The following C10orf71 variants were observed in gnomAD, a reference collection of about 807,000 sequenced individuals.
The protein encoded by C10orf71 is cardiac-enriched FHL2-interacting protein.
For synonymous variants in C10orf71, 758 were observed against 726.3 expected, an observed-to-expected ratio of 1.04 and a Z score of -0.70; for missense variants, 1,869 against 1,804.5, an observed-to-expected ratio of 1.04 and a Z score of -0.65.
At position 49,323,189 on chromosome 10, in the gene C10orf71, A is replaced by G. The variant is rs1454599206; in HGVS notation, c.644A>G (p.Lys215Arg). ...THQNSYQPGR[K>R]HGEQESSKNP... is the part of the protein sequence containing the mutation. Reference sequence around the variant, plus strand: ...CAGAACAGCTACCAGCCAGGCAGGAAGCACGGAGAACAGGAGTCCTCCAAG... The same window carrying G: ...CAGAACAGCTACCAGCCAGGCAGGAGGCACGGAGAACAGGAGTCCTCCAAG... The change falls in exon 3 of 3, where the codon AAG becomes AGG. Residue 215 changes from lysine to arginine, a missense_variant. Coordinates refer to ENST00000374144, the MANE Select transcript of C10orf71 (RefSeq NM_001135196.2). The G allele has an allele frequency of 1.2e-6, 2 of 1,614,002 alleles. No individual in the cohort carries two copies. The highest frequency in any genetic ancestry group is 3.3e-5 in the Admixed American group (2 of 60,016).
chr10:49,314,189 G>A lies in C10orf71; in HGVS notation c.-247-1956G>A, dbSNP rs146467228. 2.9e-3 allele frequency among the ~76,000 whole-genome samples: 440 copies of A among 152,298 alleles called. 2 individuals are homozygous for A. Among genetic ancestry groups the A allele is most frequent in the Non-Finnish European group, 3.8e-3 (260 of 68,024 alleles). On this transcript the variant is annotated intron_variant, in intron 1 of 2. Coordinates refer to ENST00000374144, the MANE Select transcript of C10orf71 (RefSeq NM_001135196.2). ...GAGTGGGGGCCAGACATTAAAGGCCGAGTGAAATGGGTAAAGAAATAATGG... is the reference window on the plus strand; with the variant it reads ...GAGTGGGGGCCAGACATTAAAGGCCAAGTGAAATGGGTAAAGAAATAATGG...
At position 49,325,732 on chromosome 10, in the gene C10orf71, G is replaced by T; in HGVS notation, c.3187G>T (p.Gly1063Trp). Reference protein sequence around the residue: ...RANSPNPGSPGESSACSPAAS... With the variant: ...RANSPNPGSPWESSACSPAAS... ...GAATTCCCCCAACCCCGGCTCCCCC[G>T]GGGAGAGCAGTGCCTGCTCCCCTGC... is the stretch of plus-strand genomic sequence containing the variant. The change falls in exon 3 of 3, where the codon GGG becomes TGG. Residue 1063 changes from glycine (G) to tryptophan (W), a missense_variant. By Grantham distance (184) the Gly-to-Trp change is radical. Transcript: ENST00000374144. The T allele has an allele frequency of 1.3e-6, 2 of 1,551,292 alleles. No individual in the cohort carries two copies. Among genetic ancestry groups the T allele is most frequent in the East Asian group, 2.4e-5 (1 of 40,898 alleles).
Position 49,323,218 on chromosome 10 carries a change from C to A in C10orf71, c.673C>A (p.Pro225Thr), listed in dbSNP as rs1188204057. Reference protein sequence around the residue: ...KHGEQESSKNPEMACHGSSSF... With the variant: ...KHGEQESSKNTEMACHGSSSF... ...CGGAGAACAGGAGTCCTCCAAGAAT[C>A]CAGAAATGGCCTGTCACGGCTCCAG... Residue 225 changes from proline to threonine, a missense_variant, in exon 3 of 3, where the codon CCA becomes ACA. By Grantham distance (38) the Pro-to-Thr change is conservative. Transcript: ENST00000374144. 1 of 1,613,970 alleles carries A rather than the reference C, an allele frequency of 6.2e-7. No homozygotes were observed.
intron 2 of C10orf71, among the ~76,000 whole-genome samples, chr10:49,317,994 C>G (rs770428834): frequency 6.6e-6 from 1 of 152,206 alleles, no homozygotes. Flanking sequence ...TTCTTCCTTA[C>G]AGCCCTCATA....
rs1213378423 is a variant in C10orf71, at chr10:49,326,027, C to A, written c.3482C>A (p.Ala1161Glu). 6.4e-7 allele frequency: 1 copy of A among 1,551,698 alleles called. No homozygotes were observed. The highest frequency in any genetic ancestry group is 2.4e-5 in the East Asian group (1 of 40,912). Residue 1161 changes from alanine (A) to glutamate (E), a missense_variant, in exon 3 of 3, where the codon GCA becomes GAA. Physicochemically the swap from Ala to Glu is moderately radical, Grantham distance 107. Transcript: ENST00000374144. Reference protein sequence around the residue: ...AGTSGRLELPAQLERTASKPP... With the variant: ...AGTSGRLELPEQLERTASKPP... ...ACCTCTGGGAGACTTGAGCTTCCTG[C>A]ACAGCTAGAGAGGACAGCAAGCAAG...
At chr10:49,301,856 G>A (rs546377079) in intron 1 of C10orf71, among the ~76,000 whole-genome samples, 2 of 152,264 alleles carry the variant, frequency 1.3e-5, no homozygotes, top group African/African-American at 2.4e-5. Flanking sequence ...CGTTCTTCTG[G>A]GCCATGACAC....
At chr10:49,306,230 C>T (rs1388309069) in intron 1 of C10orf71, among the ~76,000 whole-genome samples, 2 of 152,210 alleles carry the variant, frequency 1.3e-5, no homozygotes, top group South Asian at 4.1e-4. Context: ...ACTCCAGCAT[C>T]GAGAGACTCT....
At position 49,325,110 on chromosome 10, in the gene C10orf71, T is replaced by C. The variant is rs1440818165; in HGVS notation, c.2565T>C (p.Phe855=). 1 of 1,551,990 alleles carries C rather than the reference T, an allele frequency of 6.4e-7. No homozygotes were observed. The highest frequency in any genetic ancestry group is 8.7e-7 in the Non-Finnish European group (1 of 1,147,062). The change falls in exon 3 of 3, where the codon TTT becomes TTC. Residue 855 remains phenylalanine, a synonymous_variant. Coordinates refer to ENST00000374144, the MANE Select transcript of C10orf71 (RefSeq NM_001135196.2). ...PSSASNRHML[F]TIKDNTLRAT... ...CTGCTTCAAACAGGCACATGCTGTTTACGATTAAAGACAACACCCTCAGAG... is the reference window on the plus strand; with the variant it reads ...CTGCTTCAAACAGGCACATGCTGTTCACGATTAAAGACAACACCCTCAGAG...
In C10orf71 at chr10:49,324,040, C is replaced by T. The variant is rs377285836; in HGVS notation, c.1495C>T (p.Leu499=). ...RDSYKSKAPS[L]LFNLKDVRKR... is the part of the protein sequence containing the mutation. ...CAGCTACAAGTCCAAAGCCCCTAGC[C>T]TGCTGTTCAACCTCAAGGACGTGCG... The change falls in exon 3 of 3, where the codon CTG becomes TTG. Residue 499 remains leucine (L), a synonymous_variant. Coordinates refer to ENST00000374144, the MANE Select transcript of C10orf71 (RefSeq NM_001135196.2). The T allele has an allele frequency of 3.1e-6, 5 of 1,613,690 alleles. No individual in the cohort carries two copies. Among genetic ancestry groups the T allele is most frequent in the Non-Finnish European group, 3.4e-6 (4 of 1,179,822 alleles).
Position 49,324,065 on chromosome 10 carries a change from G to A in C10orf71, c.1520G>A (p.Arg507Gln), listed in dbSNP as rs550545516. ...CTGCTGTTCAACCTCAAGGACGTGC[G>A]GAAGCGTGTTAAGAGCACATACAGT... is the stretch of plus-strand genomic sequence containing the variant. ...PSLLFNLKDV[R>Q]KRVKSTYSSS... Residue 507 changes from arginine (R) to glutamine (Q), a missense_variant, in exon 3 of 3, where the codon CGG becomes CAG. Physicochemically the swap from Arg to Gln is conservative, Grantham distance 43. Coordinates refer to ENST00000374144, the MANE Select transcript of C10orf71 (RefSeq NM_001135196.2). 3.7e-5 allele frequency: 59 copies of A among 1,613,940 alleles called. No individual in the cohort carries two copies. Among genetic ancestry groups the A allele is most frequent in the African/African-American group, 1.5e-4 (11 of 75,036 alleles).
At position 49,322,462 on chromosome 10, in the gene C10orf71, G is replaced by C. The variant is rs573313027; in HGVS notation, c.-84G>C. 1.3e-5 allele frequency: 18 copies of C among 1,437,082 alleles called. No individual in the cohort carries two copies. The South Asian group carries it at 2.7e-4, about 22-fold the overall frequency. 89.0% of individuals were successfully genotyped at this position (1,437,082 alleles called of 1,614,324 possible). Reference sequence around the variant, plus strand: ...GGTCAATGAGAGGCTCTAGTTTTGGGGAAGAGGGAAACACCTAACCTTGAC... The same window carrying C: ...GGTCAATGAGAGGCTCTAGTTTTGGCGAAGAGGGAAACACCTAACCTTGAC... On this transcript the variant is annotated 5_prime_UTR_variant, in exon 3 of 3. Transcript: ENST00000374144.
At chr10:49,313,328 G>C (rs1848947552) in intron 1 of C10orf71, among the ~76,000 whole-genome samples, 1 of 152,212 alleles carries the variant, frequency 6.6e-6, no homozygotes, top group Non-Finnish European at 1.5e-5. Flanking sequence ...CAGAGGCCCT[G>C]AGGCAGGAAG....
chr10:49,302,071 CA>C (rs1467706066), intron 1 of C10orf71, among the ~76,000 whole-genome samples: 9 of 152,296 alleles, frequency 5.9e-5, no homozygotes, highest in Non-Finnish European at 1.3e-4. Flanking sequence ...GGATATCTCC[CA>C]CCTCAAAGCC....
At chr10:49,319,462 TCC>T (rs1849053983) in intron 2 of C10orf71, among the ~76,000 whole-genome samples, 2 of 152,078 alleles carry the variant, frequency 1.3e-5, no homozygotes, top group African/African-American at 4.8e-5. Flanking sequence ...GTCTAGAAGT[TCC>T]TTAAAAATTT....
rs1330723876 is a variant in C10orf71, at chr10:49,323,801, A to G, written c.1256A>G (p.Glu419Gly). Residue 419 changes from glutamate (E) to glycine (G), a missense_variant, in exon 3 of 3, where the codon GAA becomes GGA. Transcript: ENST00000374144. Reference sequence around the variant, plus strand: ...TTGTATACAAAACACAACCCCCAGGAACAGTTTTCAGAAAACAATGCTCTT... The same window carrying G: ...TTGTATACAAAACACAACCCCCAGGGACAGTTTTCAGAAAACAATGCTCTT... The part of the protein sequence containing the change: ...PPLYTKHNPQ[E>G]QFSENNALDL... 6.2e-7 allele frequency: 1 copy of G among 1,614,016 alleles called. No homozygotes were observed. Among genetic ancestry groups the G allele is most frequent in the East Asian group, 2.2e-5 (1 of 44,882 alleles).
At chr10:49,303,100 T>C (rs1848755516) in intron 1 of C10orf71, among the ~76,000 whole-genome samples, 1 of 152,200 alleles carries the variant, frequency 6.6e-6, no homozygotes, top group African/African-American at 2.4e-5. Context: ...AAACTCCAGC[T>C]TGGGCCTATA....
In C10orf71 at chr10:49,323,592, G is replaced by A. The variant is rs1262904209; in HGVS notation, c.1047G>A (p.Trp349Ter). ...AAGALSTSIP[W>*]GCRDPGAQVF... ...GGGCTCTGTCCACATCTATACCCTG[G>A]GGGTGCAGGGATCCAGGAGCCCAGG... Residue 349 changes from tryptophan (W) to a stop codon, truncating the protein, a stop_gained, in exon 3 of 3, where the codon TGG becomes TGA. Coordinates refer to ENST00000374144, the MANE Select transcript of C10orf71 (RefSeq NM_001135196.2). LOFTEE classifies it low-confidence loss of function (END_TRUNC). The A allele has an allele frequency of 5.6e-6, 9 of 1,602,030 alleles. No individual in the cohort carries two copies. The highest frequency in any genetic ancestry group is 2.2e-5 in the South Asian group (2 of 88,946).
chr10:49,321,815 C>T (rs1008734378), intron 2 of C10orf71, among the ~76,000 whole-genome samples: 3 of 152,102 alleles, frequency 2.0e-5, no homozygotes, highest in African/African-American at 7.2e-5. Context: ...ATGGTGAGCC[C>T]CTTTTTATAT....
At chr10:49,320,437 T>C (rs1449530426) in intron 2 of C10orf71, among the ~76,000 whole-genome samples, 2 of 152,188 alleles carry the variant, frequency 1.3e-5, no homozygotes, top group Non-Finnish European at 2.9e-5. Context: ...GCATATCCTC[T>C]TAGGGTGGTT....
Sources: allele counts gnomAD v4.1 joint callset (sites outside exome capture counted in the v4.1 genomes callset), GRCh38; gene constraint gnomAD v4.1.1; transcripts MANE v1.5; gene names NCBI Gene and HGNC (gene_info 2026-07-23, HGNC 2026-07-21).